SVIL: variants seen among roughly 807,000 people sequenced by gnomAD.
SVIL encodes supervillin.
In SVIL, 101 loss-of-function variants were observed where a neutral mutation model predicts 240.4. The ratio of observed to expected loss-of-function variants is 0.42; its 90% confidence interval spans 0.36 to 0.50. The LOEUF is 0.50. Among genes scored for constraint, SVIL ranks in the 20% least tolerant of loss-of-function variants. The pLI, the probability that SVIL is intolerant of heterozygous loss-of-function variation, is 0.01. For synonymous variants in SVIL, 999 were observed against 1,100.0 expected (o/e 0.91, Z 1.82); for missense variants, 2,512 against 2,818.7 (o/e 0.89, Z 2.46).
At chr10:29,494,397 C>G (rs985054648) in intron 20 of SVIL, among the ~76,000 whole-genome samples, 9 of 152,134 alleles carry the variant, frequency 5.9e-5, no homozygotes, top group African/African-American at 2.2e-4. Context: ...GTAGGGACTC[C>G]CAGCGCCTAG....
At chr10:29,696,950 C>T (rs189177386) in intron 1 of SVIL, among the ~76,000 whole-genome samples, 26,925 of 142,706 alleles carry the variant, frequency 0.19, 2,934 homozygotes, top group East Asian at 0.31. Context: ...CCAGACGCCC[C>T]GTCCGGGAGG....
At chr10:29,708,344 C>T (rs200975518) in intron 1 of SVIL, among the ~76,000 whole-genome samples, 1 of 149,992 alleles carries the variant, frequency 6.7e-6, no homozygotes, top group African/African-American at 2.5e-5. Flanking sequence ...ATTTTGGCCA[C>T]GTGCGTTAGC....
chr10:29,640,048 C>T (rs1466630099), intron 3 of SVIL, among the ~76,000 whole-genome samples: 9 of 152,194 alleles, frequency 5.9e-5, no homozygotes. Flanking sequence ...GACTCATCTT[C>T]TGCCCCCAAA....
At chr10:29,618,582 C>T (rs1200712476) in intron 1 of SVIL, among the ~76,000 whole-genome samples, 3 of 152,336 alleles carry the variant, frequency 2.0e-5, no homozygotes, top group African/African-American at 4.8e-5. Context: ...CTTCTTTTCA[C>T]TCATGTGTGA....
At chr10:29,680,802 C>T (rs185872987) in intron 2 of SVIL, among the ~76,000 whole-genome samples, 313 of 152,146 alleles carry the variant, frequency 2.1e-3, no homozygotes, top group African/African-American at 7.2e-3. Context: ...GCCTATAATC[C>T]CAGCTACTCA....
intron 3 of SVIL, among the ~76,000 whole-genome samples, chr10:29,647,795 G>A (rs182415382): frequency 2.6e-5 from 4 of 152,070 alleles, no homozygotes; most frequent in South Asian, 4.1e-4. Context: ...AAAAGGTCAC[G>A]AAGAAAGAGA....
At position 29,533,450 on chromosome 10, in the gene SVIL, A is replaced by G. The variant is rs1176469968; in HGVS notation, c.917T>C (p.Val306Ala). The G allele has an allele frequency of 6.2e-7, 1 of 1,611,680 alleles. No homozygotes were observed. The change falls in exon 8 of 38, where the codon GTT (valine) becomes GCT (alanine). Residue 306 changes from valine (V) to alanine (A), a missense_variant. Physicochemically the swap from Val to Ala is moderately conservative, Grantham distance 64. This residue lies in a region of SVIL where 1,443 missense variants were observed against 1,486.6 expected (regional missense o/e 0.97). Coordinates refer to ENST00000355867, the MANE Select transcript of SVIL (RefSeq NM_021738.3). ...TTCCTCTTTCACCAATTTTTCTCTAACTTTAACTCTTTAAGAAAGAAAAAG... is the reference window on the plus strand; with the variant it reads ...TTCCTCTTTCACCAATTTTTCTCTAGCTTTAACTCTTTAAGAAAGAAAAAG... ...SLINWPSRVK[V>A]REKLVKEESA... is the part of the protein sequence containing the mutation.
intron 2 of SVIL, among the ~76,000 whole-genome samples, chr10:29,565,088 A>C (rs752538435): frequency 6.6e-6 from 1 of 152,248 alleles, no homozygotes; most frequent in Non-Finnish European, 1.5e-5. Flanking sequence ...CATTGAAGTG[A>C]AATAATGCAA....
chr10:29,488,191 ACT>A (rs1947603383), intron 23 of SVIL, among the ~76,000 whole-genome samples: 2 of 151,072 alleles, frequency 1.3e-5, no homozygotes. Flanking sequence ...TTCTGTACTG[ACT>A]CGGGGAGAAC....
chr10:29,603,776 T>C (rs1956903397), intron 1 of SVIL, among the ~76,000 whole-genome samples: 1 of 152,230 alleles, frequency 6.6e-6, no homozygotes, highest in African/African-American at 2.4e-5. Flanking sequence ...AATGGGCACC[T>C]AAGGCATATG....
intron 1 of SVIL, among the ~76,000 whole-genome samples, chr10:29,573,526 T>C (rs1293916238): frequency 6.6e-6 from 1 of 152,088 alleles, no homozygotes. Context: ...CTCCAATAAT[T>C]ATAATGAATT....
At chr10:29,492,754 A>T (rs1187198858) in intron 21 of SVIL, among the ~76,000 whole-genome samples, 2 of 152,222 alleles carry the variant, frequency 1.3e-5, no homozygotes, top group Non-Finnish European at 2.9e-5. Flanking sequence ...AATGATTGGA[A>T]GCTAAGTAAC....
intron 1 of SVIL, among the ~76,000 whole-genome samples, chr10:29,605,123 A>G (rs568882928): frequency 1.3e-5 from 2 of 152,346 alleles, no homozygotes; most frequent in East Asian, 3.9e-4. Context: ...TACTCTTAGC[A>G]ATGTGCTTTG....
intron 3 of SVIL, among the ~76,000 whole-genome samples, chr10:29,645,236 C>T (rs983217755): frequency 6.6e-6 from 1 of 152,038 alleles, no homozygotes; most frequent in Non-Finnish European, 1.5e-5. Flanking sequence ...AGCACCATCT[C>T]ACCTTCTCCA....
chr10:29,487,413 T>C, intron 23 of SVIL, 114 bp from the exon 24 acceptor site: 1 of 1,182,416 alleles, frequency 8.5e-7, no homozygotes, highest in Non-Finnish European at 1.2e-6. Context: ...TCTTGTCTGC[T>C]AATAAGAGTG....
chr10:29,458,883 T>G (rs1456875878), intron 36 of SVIL: 1 of 187,508 alleles, frequency 5.3e-6, no homozygotes, highest in Non-Finnish European at 1.1e-5. Context: ...CATAGCTCAC[T>G]GCAGCCTCCA....
intron 1 of SVIL, among the ~76,000 whole-genome samples, chr10:29,709,161 T>C (rs1280114462): frequency 6.6e-6 from 1 of 152,206 alleles, no homozygotes; most frequent in African/African-American, 2.4e-5. Flanking sequence ...GAGTACCCCT[T>C]ATCCAAAATG....
chr10:29,713,805 C>T (rs550686812), intron 1 of SVIL, among the ~76,000 whole-genome samples: 22 of 152,172 alleles, frequency 1.4e-4, no homozygotes, highest in Non-Finnish European at 2.6e-4. Flanking sequence ...AGCTTTTCCT[C>T]CAAAAGAGGG....
intron 6 of SVIL, among the ~76,000 whole-genome samples, chr10:29,543,985 T>C (rs546113241): frequency 6.6e-6 from 1 of 152,288 alleles, no homozygotes; most frequent in South Asian, 2.1e-4. Flanking sequence ...CAGAGAATTG[T>C]ATTACCAGGA....
Sources: allele counts gnomAD v4.1 joint callset (sites outside exome capture counted in the v4.1 genomes callset), GRCh38; gene constraint gnomAD v4.1.1; regional missense constraint gnomAD v4.1.1; transcripts MANE v1.5; gene names NCBI Gene and HGNC (gene_info 2026-07-23, HGNC 2026-07-21).